Variants in GFRAL observed in about 807,000 individuals in gnomAD.
GFRAL encodes the protein GDNF family receptor alpha-like.
In GFRAL, 36 loss-of-function variants were observed where a neutral mutation model predicts 45.4. The observed-to-expected ratio is 0.79, with a 90% confidence interval of 0.61 to 1.05. GFRAL has a LOEUF of 1.05. Among genes scored for constraint, GFRAL ranks in the 50% least tolerant of loss-of-function variants. GFRAL has a pLI of 0.00. For missense variants in GFRAL, 507 were observed against 467.5 expected (o/e 1.08, Z -0.78); for synonymous variants, 166 against 154.1 (o/e 1.08, Z -0.57).
chr6:55,376,329 T>C (rs1389599820), intron 6 of GFRAL, among the ~76,000 whole-genome samples: 1 of 152,088 alleles, frequency 6.6e-6, no homozygotes, highest in Non-Finnish European at 1.5e-5. Context: ...CTTATTTTTG[T>C]TGCATCTCTT....
At chr6:55,381,522 A>C (rs143801108) in intron 6 of GFRAL, among the ~76,000 whole-genome samples, 2,317 of 152,084 alleles carry the variant, frequency 0.015, 35 homozygotes, top group Non-Finnish European at 0.025. Context: ...GGGTTTAAAA[A>C]TAACATTCCA....
intron 1 of GFRAL, among the ~76,000 whole-genome samples, 162 bp from the exon 2 acceptor site, chr6:55,331,553 A>G (rs1437775891): frequency 6.6e-6 from 1 of 152,142 alleles, no homozygotes; most frequent in East Asian, 1.9e-4. Context: ...AAAAAGAAAT[A>G]CAGATCTACA....
chr6:55,344,235 A>T (rs1342238878), intron 3 of GFRAL, among the ~76,000 whole-genome samples: 1 of 152,176 alleles, frequency 6.6e-6, no homozygotes, highest in Non-Finnish European at 1.5e-5. Flanking sequence ...GACACAACAA[A>T]AAAAGAGAAT....
At chr6:55,351,607 A>G (rs777594493) in intron 5 of GFRAL, 24 bp downstream of exon 5, 2 of 1,549,376 alleles carry the variant, frequency 1.3e-6, no homozygotes, top group Non-Finnish European at 8.8e-7. Context: ...CTCATACCTT[A>G]CTTTCTTATT....
intron 5 of GFRAL, among the ~76,000 whole-genome samples, chr6:55,358,271 G>T (rs1768222002): frequency 6.6e-6 from 1 of 151,626 alleles, no homozygotes; most frequent in South Asian, 2.1e-4. Context: ...TTTTATTCTT[G>T]CATTCATTAA....
rs140508149 is a variant in GFRAL at position 55,360,563 on chromosome 6, G to A, written c.952+1425G>A. Among the ~76,000 whole-genome samples the A allele has an allele frequency of 6.3e-3, 959 of 151,920 alleles. 6 individuals are homozygous for A. The highest frequency in any genetic ancestry group is 0.011 in the Non-Finnish European group (733 of 67,912). Reference sequence around the variant, plus strand: ...AATAGGCATACAGCTCAGAGTTTATGGTTTTGATTTCGACAGTGTTTTCTG... The same window carrying A: ...AATAGGCATACAGCTCAGAGTTTATAGTTTTGATTTCGACAGTGTTTTCTG... On this transcript the variant is annotated intron_variant, in intron 6 of 8. Transcript: ENST00000340465.
chr6:55,331,083 G>C (rs1375775876), intron 1 of GFRAL, among the ~76,000 whole-genome samples: 1 of 152,080 alleles, frequency 6.6e-6, no homozygotes. Context: ...TGACAGGAAC[G>C]CTGGAAATAC....
chr6:55,396,363 C>T (rs1161019692), intron 6 of GFRAL, among the ~76,000 whole-genome samples: 3 of 152,122 alleles, frequency 2.0e-5, no homozygotes, highest in African/African-American at 7.2e-5. Flanking sequence ...AAGGCAGTTA[C>T]ATATCTAAAA....
intron 8 of GFRAL, among the ~76,000 whole-genome samples, chr6:55,400,955 A>C (rs933048441): frequency 5.3e-5 from 8 of 152,080 alleles, no homozygotes; most frequent in African/African-American, 1.9e-4. Flanking sequence ...GAATGTATAA[A>C]ATTTACACCT....
At chr6:55,378,695 GT>G (rs147034205) in intron 6 of GFRAL, among the ~76,000 whole-genome samples, 5 of 151,596 alleles carry the variant, frequency 3.3e-5, no homozygotes, top group African/African-American at 7.3e-5. Flanking sequence ...CAAGTCTGCT[GT>G]TTTTTTTAAT....
intron 1 of GFRAL, among the ~76,000 whole-genome samples, chr6:55,329,596 G>A (rs1358363373): frequency 6.6e-6 from 1 of 152,104 alleles, no homozygotes; most frequent in East Asian, 1.9e-4. Context: ...GATCAAAAGA[G>A]TCCTCTTTTT....
intron 6 of GFRAL, among the ~76,000 whole-genome samples, chr6:55,362,622 CAG>C (rs910365395): frequency 7.9e-5 from 12 of 152,008 alleles, no homozygotes; most frequent in African/African-American, 2.9e-4. Flanking sequence ...GGTTAAGAGA[CAG>C]AGGACCATCA....
chr6:55,350,358 G>A (rs754386446), intron 4 of GFRAL, among the ~76,000 whole-genome samples: 3 of 151,922 alleles, frequency 2.0e-5, no homozygotes, highest in Admixed American at 1.3e-4. Flanking sequence ...TTATACATGC[G>A]CTAAGAAATA....
chr6:55,398,001 C>T, intron 6 of GFRAL, among the ~76,000 whole-genome samples: 1 of 152,052 alleles, frequency 6.6e-6, no homozygotes, highest in East Asian at 1.9e-4. Context: ...TGTTTGTAAC[C>T]TAAAAACAAA....
At chr6:55,392,601 G>A (rs145637841) in intron 6 of GFRAL, among the ~76,000 whole-genome samples, 14 of 152,224 alleles carry the variant, frequency 9.2e-5, no homozygotes, top group African/African-American at 3.1e-4. Flanking sequence ...GCATCACATC[G>A]CCCTCTCTAA....
Position 55,351,447 on chromosome 6 carries a change from T to C in GFRAL, c.565T>C (p.Cys189Arg), listed in dbSNP as rs752855511. The change falls in exon 5 of 9, where the codon TGT (cysteine) becomes CGT (arginine). Residue 189 changes from cysteine (C) to arginine (R), a missense_variant. Transcript: ENST00000340465. ...TAACATTGCCCAGATGTTGGCTTTT[T>C]GTGACTGTGCTCAATCTGATATACC... ...PFNIAQMLAF[C>R]DCAQSDIPCQ... 2 of 1,613,716 alleles carry C rather than the reference T, an allele frequency of 1.2e-6. No homozygotes were observed. The highest frequency in any genetic ancestry group is 1.7e-6 in the Non-Finnish European group (2 of 1,179,762).
intron 6 of GFRAL, among the ~76,000 whole-genome samples, chr6:55,376,619 A>T (rs1177783843): frequency 1.3e-5 from 2 of 151,716 alleles, no homozygotes; most frequent in Admixed American, 1.3e-4. Context: ...TGGATTTTCT[A>T]GTTTATGTGC....
intron 6 of GFRAL, among the ~76,000 whole-genome samples, chr6:55,385,146 C>G (rs929692101): frequency 6.6e-6 from 1 of 152,058 alleles, no homozygotes; most frequent in African/African-American, 2.4e-5. Flanking sequence ...ATCAAGAAAA[C>G]ATTACATTAA....
At chr6:55,385,339 T>TA (rs1458393229) in intron 6 of GFRAL, among the ~76,000 whole-genome samples, 1 of 152,094 alleles carries the variant, frequency 6.6e-6, no homozygotes, top group Non-Finnish European at 1.5e-5. Context: ...CATCTAAAGA[T>TA]ACTGCTGTTG....
Sources: gnomAD v4.1 joint callset for allele counts (sites outside exome capture counted in the v4.1 genomes callset) on GRCh38, gnomAD v4.1.1 for gene constraint, MANE v1.5 for transcripts, NCBI Gene and HGNC (gene_info 2026-07-23, HGNC 2026-07-21) for gene names.